The following PROX2 variants were observed in gnomAD, a reference collection of about 807,000 sequenced individuals.
PROX2 encodes the protein prospero homeobox 2, also known as prospero homeobox protein 2.
Under a neutral mutation model 48.9 loss-of-function variants are expected in PROX2, and 46 were observed. That is an observed-to-expected ratio of 0.94 (90% CI 0.74 to 1.20). PROX2 has a LOEUF of 1.20. PROX2 is among the 50% of genes most tolerant of loss of function. The pLI is 0.00. For missense variants in PROX2, 663 were observed against 719.4 expected, an observed-to-expected ratio of 0.92 and a Z score of 0.90; for synonymous variants, 260 against 276.6, an observed-to-expected ratio of 0.94 and a Z score of 0.60.
intron 2 of PROX2, among the ~76,000 whole-genome samples, chr14:74,866,841 A>G (rs1211352940): frequency 6.6e-6 from 1 of 152,224 alleles, no homozygotes; most frequent in Admixed American, 6.5e-5. Context: ...ATAACAGCAT[A>G]TTTGTAGGCT....
At position 74,855,037 on chromosome 14, in the gene PROX2, T is replaced by C; in HGVS notation, c.*95A>G. 3.8e-6 allele frequency: 3 copies of C among 798,352 alleles called. No individual in the cohort carries two copies. Among genetic ancestry groups the C allele is most frequent in the Non-Finnish European group, 5.5e-6 (3 of 546,560 alleles). The allele number at this position is 798,352 out of a possible 1,614,324, so 49.5% of individuals were successfully genotyped here. ...TGATAGAGGAGATTTCCTTGTGCCCTTTTTATATGACTACAGCTAAATTGC... is the reference window on the plus strand; with the variant it reads ...TGATAGAGGAGATTTCCTTGTGCCCCTTTTATATGACTACAGCTAAATTGC... On this transcript the variant is annotated 3_prime_UTR_variant, in exon 6 of 6. Coordinates refer to ENST00000556489, the MANE Select transcript of PROX2 (RefSeq NM_001243007.2).
chr14:74,865,148 A>C (rs1435449785), intron 2 of PROX2: 1 of 116,294 alleles, frequency 8.6e-6, no homozygotes, highest in Non-Finnish European at 1.7e-5. Context: ...CTGTCTTAAG[A>C]AAAAAAAGAA....
At chr14:74,865,185 C>T (rs1304309783) in intron 2 of PROX2, 1 of 151,180 alleles carries the variant, frequency 6.6e-6, no homozygotes, top group African/African-American at 2.4e-5. Context: ...ACACTGCCGT[C>T]CTAACTCTTG....
intron 2 of PROX2, among the ~76,000 whole-genome samples, chr14:74,868,094 G>T (rs1400954502): frequency 6.6e-6 from 1 of 151,878 alleles, no homozygotes; most frequent in Non-Finnish European, 1.5e-5. Flanking sequence ...CACTGATGGA[G>T]GTAGCAATTG....
Position 74,854,396 on chromosome 14 carries a change from T to C in PROX2, c.*736A>G. 1 of 303,174 alleles carries C rather than the reference T, an allele frequency of 3.3e-6. No individual in the cohort carries two copies. The highest frequency in any genetic ancestry group is 2.6e-5 in the South Asian group (1 of 38,874). 18.8% of individuals were successfully genotyped at this position (303,174 alleles called of 1,614,324 possible). On this transcript the variant is annotated 3_prime_UTR_variant, in exon 6 of 6. Coordinates refer to ENST00000556489, the MANE Select transcript of PROX2 (RefSeq NM_001243007.2). ...TCAGGTGACGGTGCCCTGTCAGCGC[T>C]GGATGCTTACTAGGGGTGGGGTCCT... is the stretch of plus-strand genomic sequence containing the variant.
At chr14:74,859,511 AACAG>A (rs1467347080) in intron 3 of PROX2, 2 of 152,250 alleles carry the variant, frequency 1.3e-5, no homozygotes, top group East Asian at 3.8e-4. Flanking sequence ...TCACTCTGGG[AACAG>A]ACAGATTCCT....
intron 3 of PROX2, chr14:74,859,052 C>T (rs1255999074): frequency 6.6e-6 from 1 of 152,602 alleles, no homozygotes; most frequent in Non-Finnish European, 1.5e-5. Flanking sequence ...TCATTGCCTT[C>T]ACAGTGTTGC....
intron 1 of PROX2, among the ~76,000 whole-genome samples, chr14:74,873,470 T>C (rs894603673): frequency 1.3e-5 from 2 of 152,090 alleles, no homozygotes; most frequent in African/African-American, 4.8e-5. Flanking sequence ...CCTTTCCTCC[T>C]AGGGGGGGTT....
rs1229777453 is a variant in PROX2, at chr14:74,857,015, A to G, written c.1414-20T>C. ...GTTGAACTGTACAAACAAGAGGTCC[A>G]TCCAGTCAGACATTTGCCACGAGGT... On this transcript the variant is annotated intron_variant, in intron 4 of 5. Transcript: ENST00000556489. 6.2e-7 allele frequency: 1 copy of G among 1,609,072 alleles called. No individual in the cohort carries two copies. Among genetic ancestry groups the G allele is most frequent in the South Asian group, 1.1e-5 (1 of 90,926 alleles).
Position 74,858,411 on chromosome 14 carries a change from A to G in PROX2, c.1409T>C (p.Val470Ala). The G allele has an allele frequency of 6.4e-7, 1 of 1,557,422 alleles. No individual in the cohort carries two copies. The highest frequency in any genetic ancestry group is 8.7e-7 in the Non-Finnish European group (1 of 1,144,986). ...SNLLKVYFPDVQFNRCITSQM... is the reference protein window; with the variant it reads ...SNLLKVYFPDAQFNRCITSQM... ...CATTTAGTTGAGTGACTTTACCTGA[A>G]CATCAGGAAAATAAACCTTCAGGAG... The change falls in exon 4 of 6, where the codon GTT becomes GCT. Residue 470 changes from valine to alanine, a missense_variant. Transcript: ENST00000556489.
intron 3 of PROX2, chr14:74,861,283 G>A (rs922792768): frequency 3.9e-5 from 49 of 1,251,406 alleles, no homozygotes; most frequent in Non-Finnish European, 1.2e-5. Context: ...AAGCAGCAGC[G>A]TGAGCACAGC....
chr14:74,858,318 A>G, intron 4 of PROX2, 89 bp downstream of exon 4: 2 of 735,610 alleles, frequency 2.7e-6, no homozygotes, highest in Admixed American at 2.2e-5. Context: ...AAGTGCACAT[A>G]TGATGACCTA....
At chr14:74,875,535 C>G (rs983536130) in intron 1 of PROX2, among the ~76,000 whole-genome samples, 4 of 152,216 alleles carry the variant, frequency 2.6e-5, no homozygotes, top group African/African-American at 9.6e-5. Context: ...CCTAAAGCCG[C>G]ATATTCTGCG....
chr14:74,871,986 AG>A (rs1883227154), intron 1 of PROX2: 1 of 152,240 alleles, frequency 6.6e-6, no homozygotes, highest in African/African-American at 2.4e-5. Context: ...GCTCTGCCCA[AG>A]TGGGACAAAG....
chr14:74,867,728 C>G (rs113741518), intron 2 of PROX2, among the ~76,000 whole-genome samples: 45 of 152,278 alleles, frequency 3.0e-4, no homozygotes, highest in African/African-American at 1.1e-3. Context: ...ACCACTAAAG[C>G]TGCTGAATCT....
intron 2 of PROX2, among the ~76,000 whole-genome samples, chr14:74,867,749 T>C (rs1245806119): frequency 1.3e-5 from 2 of 152,094 alleles, no homozygotes; most frequent in African/African-American, 4.8e-5. Flanking sequence ...CCCTTGTGGG[T>C]TATTCAAGGT....
intron 2 of PROX2, among the ~76,000 whole-genome samples, chr14:74,870,239 C>A (rs1045006836): frequency 1.1e-3 from 156 of 148,498 alleles, no homozygotes; most frequent in African/African-American, 3.8e-3. Flanking sequence ...GTAGCCCAGG[C>A]AACATGGCGA....
intron 1 of PROX2, among the ~76,000 whole-genome samples, 186 bp downstream of exon 1, chr14:74,875,709 A>G (rs1169262249): frequency 2.6e-5 from 4 of 152,254 alleles, no homozygotes; most frequent in Non-Finnish European, 4.4e-5. Flanking sequence ...TTTGCCTGAA[A>G]GTATTTCAGC....
At chr14:74,873,413 G>A (rs1883263900) in intron 1 of PROX2, among the ~76,000 whole-genome samples, 2 of 152,170 alleles carry the variant, frequency 1.3e-5, no homozygotes, top group Admixed American at 1.3e-4. Context: ...CATGTGGTGG[G>A]CCTTGCATTC....
Sources: gnomAD v4.1 joint callset for allele counts (sites outside exome capture counted in the v4.1 genomes callset) on GRCh38, gnomAD v4.1.1 for gene constraint, MANE v1.5 for transcripts, NCBI Gene and HGNC (gene_info 2026-07-23, HGNC 2026-07-21) for gene names.